Variants in EML2 observed in about 807,000 individuals in gnomAD.
The protein encoded by EML2 is EMAP like 2.
In EML2, 59 loss-of-function variants were observed where a neutral mutation model predicts 84.7. The observed-to-expected ratio is 0.70, with a 90% CI of 0.56 to 0.86. The LOEUF (loss-of-function observed/expected upper bound fraction) is 0.86, where lower values mean the gene tolerates loss of function less well. EML2 is among the 40% of genes least tolerant of loss of function. The pLI, the probability that EML2 is intolerant of heterozygous loss-of-function variation, is 0.00. For synonymous variants in EML2, 352 were observed against 348.9 expected, an observed-to-expected ratio of 1.01 and a Z score of -0.10; for missense variants, 818 against 855.6, an observed-to-expected ratio of 0.96 and a Z score of 0.55.
chr19:45,642,029 A>G (rs992355483), upstream of EML2: 4 of 1,443,174 alleles, frequency 2.8e-6, no homozygotes, highest in Non-Finnish European at 3.6e-6. Context: ...AAGGCCTTTC[A>G]AGAGCTGACA....
intron 2 of EML2, 44 bp from the exon 3 acceptor site, chr19:45,638,678 T>A: frequency 1.2e-6 from 2 of 1,602,316 alleles, no homozygotes; most frequent in South Asian, 2.2e-5. Context: ...ACCAGCCCCA[T>A]CCCTATTCCC....
chr19:45,629,450 G>A (rs529344164), intron 7 of EML2, among the ~76,000 whole-genome samples: 29 of 152,062 alleles, frequency 1.9e-4, no homozygotes, highest in African/African-American at 5.5e-4. Flanking sequence ...TCAGCCTCCC[G>A]AGTAGCTGGG....
Position 45,638,494 on chromosome 19 carries a change from CA to C in EML2, c.179+10del. 2 of 1,613,944 alleles carry C rather than the reference CA, an allele frequency of 1.2e-6. No individual in the cohort carries two copies. Among genetic ancestry groups the C allele is most frequent in the South Asian group, 2.2e-5 (2 of 91,074 alleles). On this transcript the variant is annotated intron_variant, in intron 3 of 18. Transcript: ENST00000245925. ...GATGGGAGCACCAAGGAGATTCCAGCAAAAGGATACACCCACTCCAGCTTGA... is the reference window on the plus strand; with the variant it reads ...GATGGGAGCACCAAGGAGATTCCAGCAAAGGATACACCCACTCCAGCTTGA...
chr19:45,639,131 G>A (rs961789326), intron 1 of EML2: 5 of 665,162 alleles, frequency 7.5e-6, no homozygotes, highest in Non-Finnish European at 1.3e-5. Context: ...TGGAAGAAGG[G>A]AGTCACCAAG....
In EML2 at chr19:45,609,645, G is replaced by A. The variant is rs771243512; in HGVS notation, c.*18C>T. The A allele has an allele frequency of 1.4e-5, 23 of 1,589,636 alleles. No individual in the cohort carries two copies. The highest frequency in any genetic ancestry group is 2.0e-5 in the Non-Finnish European group (23 of 1,169,928). ...AAATAGAATTCCTGCCCTGACACCT[G>A]ACTCTTCCCTGGCCGCATCAGACCA... On this transcript the variant is annotated 3_prime_UTR_variant, in exon 19 of 19. Coordinates refer to ENST00000245925, the MANE Select transcript of EML2 (RefSeq NM_012155.4).
intron 6 of EML2, 33 bp from the exon 7 acceptor site, chr19:45,630,079 C>T (rs183906311): frequency 1.3e-6 from 2 of 1,539,508 alleles, no homozygotes; most frequent in East Asian, 2.3e-5. Flanking sequence ...GGGACAGAGG[C>T]AAGGGGAGTC....
In EML2 at chr19:45,619,099, G is replaced by C; in HGVS notation, c.1215C>G (p.Ser405Arg). The stretch of plus-strand genomic sequence containing the variant: ...TCCACAGGGGCTGGTGGGAATCTGA[G>C]CTCCATAGATGCACCAGCTTATCCT... ...CGQDKLVHLW[S>R]SDSHQPLWSR... The change falls in exon 12 of 19, where the codon AGC becomes AGG. Residue 405 changes from serine (S) to arginine (R), a missense_variant. Physicochemically the swap from Ser to Arg is moderately radical, Grantham distance 110 (BLOSUM62 -1). Coordinates refer to ENST00000245925, the MANE Select transcript of EML2 (RefSeq NM_012155.4). 1 of 1,613,518 alleles carries C rather than the reference G, an allele frequency of 6.2e-7. No individual in the cohort carries two copies. Among genetic ancestry groups the C allele is most frequent in the Non-Finnish European group, 8.5e-7 (1 of 1,179,810 alleles).
upstream of EML2, chr19:45,643,497 C>A (rs900765353): frequency 3.3e-6 from 5 of 1,526,702 alleles, no homozygotes; most frequent in Middle Eastern, 1.7e-4. Context: ...AGTCGCCCCC[C>A]CAACCCCGCT....
At chr19:45,645,305 T>C, upstream of EML2, 1 of 1,533,286 alleles carries the variant, frequency 6.5e-7, no homozygotes. Context: ...GGACGTGTCG[T>C]ACAGGCCGCA....
At chr19:45,609,870 T>A in intron 18 of EML2, 82 bp from the exon 19 acceptor site, 1 of 1,496,940 alleles carries the variant, frequency 6.7e-7, no homozygotes, top group Non-Finnish European at 8.9e-7. Context: ...TTGACCCGGT[T>A]CTTTTCTGCT....
upstream of EML2, chr19:45,645,476 C>A: frequency 7.1e-7 from 1 of 1,406,090 alleles, no homozygotes; most frequent in Non-Finnish European, 9.2e-7. Flanking sequence ...ATCAGGCGGC[C>A]GGCGCCGGGC....
intron 6 of EML2, among the ~76,000 whole-genome samples, chr19:45,630,986 C>T (rs1024844860): frequency 1.3e-5 from 2 of 152,150 alleles, no homozygotes; most frequent in Non-Finnish European, 2.9e-5. Context: ...TCTCAAGTAG[C>T]TGGCACATGC....
At chr19:45,643,608 A>C, upstream of EML2, 1 of 1,536,156 alleles carries the variant, frequency 6.5e-7, no homozygotes, top group Non-Finnish European at 8.7e-7. Flanking sequence ...CAACCAAGGA[A>C]GCCCTGGTTC....
upstream of EML2, chr19:45,641,608 C>G (rs777225000): frequency 3.9e-6 from 6 of 1,531,860 alleles, no homozygotes; most frequent in Non-Finnish European, 5.2e-6. Context: ...CTCCCTATCT[C>G]TTTCTGCGGC....
chr19:45,625,353 G>A (rs540225366), intron 8 of EML2, among the ~76,000 whole-genome samples: 3 of 152,322 alleles, frequency 2.0e-5, no homozygotes, highest in Middle Eastern at 3.4e-3. Flanking sequence ...CGATTCTCCC[G>A]CTGCAGCCTC....
Position 45,634,420 on chromosome 19 carries a change from G to A in EML2, c.231C>T (p.Thr77=), listed in dbSNP as rs781172038. 8.1e-6 allele frequency: 13 copies of A among 1,613,868 alleles called. No individual in the cohort carries two copies. Among genetic ancestry groups the A allele is most frequent in the South Asian group, 1.1e-5 (1 of 91,066 alleles). ...AGGCCACAAAGTACACTATCTCCCCGGTGGGCAGCAAATAAAGGTTGGCCC... is the reference window on the plus strand; with the variant it reads ...AGGCCACAAAGTACACTATCTCCCCAGTGGGCAGCAAATAAAGGTTGGCCC... ...DCRANLYLLP[T]GEIVYFVASV... The change falls in exon 4 of 19, where the codon ACC becomes ACT. Residue 77 remains threonine (T), a synonymous_variant. Transcript: ENST00000245925.
intron 11 of EML2, chr19:45,620,930 C>A: frequency 1.8e-6 from 1 of 545,862 alleles, no homozygotes; most frequent in Non-Finnish European, 3.5e-6. Context: ...TGTGGGACAA[C>A]CTGTAGGGAC....
At chr19:45,644,508 C>A (rs1339014797), upstream of EML2, among the ~76,000 whole-genome samples, 1 of 152,150 alleles carries the variant, frequency 6.6e-6, no homozygotes, top group East Asian at 1.9e-4. Flanking sequence ...GACCCTTCTG[C>A]CCCACCCAGA....
chr19:45,616,230 T>A (rs1600087777), intron 15 of EML2: 4 of 376,752 alleles, frequency 1.1e-5, no homozygotes, highest in Non-Finnish European at 1.8e-5. Context: ...TCTCGGAACG[T>A]GAGGGGCGGG....
Sources: gnomAD v4.1 joint callset for allele counts (sites outside exome capture counted in the v4.1 genomes callset) on GRCh38, gnomAD v4.1.1 for gene constraint, MANE v1.5 for transcripts, NCBI Gene and HGNC (gene_info 2026-07-23, HGNC 2026-07-21) for gene names.